Variants in IQSEC1 observed in about 807,000 individuals in gnomAD.
The protein encoded by IQSEC1 is IQ motif and SEC7 domain-containing protein 1.
IQSEC1 carries 31 observed loss-of-function variants against 91.0 expected under a neutral mutation model. The ratio of observed to expected loss-of-function variants is 0.34; its 90% CI spans 0.26 to 0.46. IQSEC1 has a LOEUF of 0.46. Ranked by LOEUF, IQSEC1 falls within the 20% of genes least tolerant of loss-of-function variation. The pLI, the probability that IQSEC1 is intolerant of heterozygous loss-of-function variation, is 1.00. For synonymous variants in IQSEC1, 699 were observed against 662.6 expected (o/e 1.05, Z -0.84); for missense variants, 1,388 against 1,575.6 (o/e 0.88, Z 2.02).
chr3:13,092,908 T>G (rs1232648333), intron 2 of IQSEC1, among the ~76,000 whole-genome samples: 1 of 152,120 alleles, frequency 6.6e-6, no homozygotes, highest in Non-Finnish European at 1.5e-5. Context: ...CTGTTCCCTC[T>G]GCCGCGAGCA....
chr3:13,202,340 GATC>G (rs1694260266), intron 1 of IQSEC1, among the ~76,000 whole-genome samples: 1 of 152,176 alleles, frequency 6.6e-6, no homozygotes, highest in Non-Finnish European at 1.5e-5. Flanking sequence ...GTCTCAAAAA[GATC>G]TTTGTACATC....
chr3:13,129,316 G>T (rs565117094), intron 2 of IQSEC1, among the ~76,000 whole-genome samples: 2 of 152,282 alleles, frequency 1.3e-5, no homozygotes, highest in South Asian at 4.1e-4. Context: ...TGCAGAATCT[G>T]TAGCAGTGTC....
chr3:13,082,081 C>T (rs763482583), intron 2 of IQSEC1, among the ~76,000 whole-genome samples: 30 of 152,118 alleles, frequency 2.0e-4, no homozygotes, highest in Non-Finnish European at 3.7e-4. Flanking sequence ...CAGTGGCCCC[C>T]GAGTCGCGCA....
At chr3:13,038,556 G>C (rs139536898) in intron 1 of IQSEC1, among the ~76,000 whole-genome samples, 29 of 152,092 alleles carry the variant, frequency 1.9e-4, no homozygotes, top group African/African-American at 7.0e-4. Flanking sequence ...AAAATAGAAG[G>C]AATGAGTAAG....
chr3:13,099,188 C>T (rs908581753), intron 2 of IQSEC1, among the ~76,000 whole-genome samples: 1 of 152,250 alleles, frequency 6.6e-6, no homozygotes, highest in South Asian at 2.1e-4. Flanking sequence ...GCCCTGGGGG[C>T]CATAGCCCCT....
intron 1 of IQSEC1, among the ~76,000 whole-genome samples, chr3:12,986,384 C>A (rs1198355893): frequency 6.6e-6 from 1 of 152,224 alleles, no homozygotes; most frequent in East Asian, 1.9e-4. Context: ...GCAGAGCCTG[C>A]AGCTTCCTTG....
chr3:13,203,998 A>G (rs1015210003), intron 1 of IQSEC1, among the ~76,000 whole-genome samples: 26 of 152,176 alleles, frequency 1.7e-4, no homozygotes, highest in Non-Finnish European at 3.7e-4. Flanking sequence ...CAAAGGTAGA[A>G]CTGGGCTCAG....
Position 12,908,323 on chromosome 3 carries a change from A to G in IQSEC1, c.2755+26T>C, listed in dbSNP as rs1301257747. The G allele has an allele frequency of 6.2e-7, 1 of 1,608,874 alleles. No individual in the cohort carries two copies. Among genetic ancestry groups the G allele is most frequent in the Admixed American group, 1.7e-5 (1 of 59,898 alleles). ...TCGGTCTTGCATGCGCTGGGCTAGC[A>G]AGGTGGTTCTAGGCCAAGCTCTTAC... On this transcript the variant is annotated intron_variant, in intron 12 of 13. Transcript: ENST00000613206. This position sits in a 1 kb window ranked among gnomAD's most constrained non-coding sequence, Gnocchi z 4.9.
rs1454044423 is a variant in IQSEC1, at chr3:12,983,338, G to A, written c.24-41473C>T. ...GAGCAGTCCTCGGAGGGGATGAAAG[G>A]TGGCGTGGTGACAACTGCAGTCTGG... On this transcript the variant is annotated intron_variant, in intron 1 of 13. Transcript: ENST00000613206. The surrounding 1 kb of genome is among the most constrained non-coding windows in gnomAD (Gnocchi z 4.3). Among the ~76,000 whole-genome samples, 2 of 152,170 alleles carry A rather than the reference G, an allele frequency of 1.3e-5. No individual in the cohort carries two copies. Among genetic ancestry groups the A allele is most frequent in the Non-Finnish European group, 2.9e-5 (2 of 68,030 alleles).
intron 1 of IQSEC1, among the ~76,000 whole-genome samples, chr3:13,238,906 T>A (rs886910020): frequency 6.6e-6 from 1 of 152,164 alleles, no homozygotes; most frequent in African/African-American, 2.4e-5. Context: ...CCTAAGGAGC[T>A]GGACATAAAG....
chr3:13,228,987 C>CTCTTT (rs1243684001), intron 1 of IQSEC1, among the ~76,000 whole-genome samples: 1 of 152,232 alleles, frequency 6.6e-6, no homozygotes, highest in Non-Finnish European at 1.5e-5. Flanking sequence ...CTGTCCGTCT[C>CTCTTT]TCTTTTCACC....
chr3:12,981,376 A>T (rs1162571881), intron 1 of IQSEC1, among the ~76,000 whole-genome samples: 3 of 152,226 alleles, frequency 2.0e-5, no homozygotes, highest in Admixed American at 1.3e-4. Flanking sequence ...TGGGGGGATA[A>T]CATTTGTTTC....
intron 1 of IQSEC1, among the ~76,000 whole-genome samples, chr3:13,222,903 C>T (rs1308648417): frequency 6.6e-6 from 1 of 152,234 alleles, no homozygotes; most frequent in Non-Finnish European, 1.5e-5. Flanking sequence ...AGGCCCACAG[C>T]AGGGTAAACT....
Position 13,211,574 on chromosome 3 carries a change from G to A in IQSEC1, c.273-47441C>T, listed in dbSNP as rs1292315868. ...CCCTTCCCCTAGTAGGAGCCCACAG[G>A]GCCAGCAGGAGAGTCACCATCCTTG... On this transcript the variant is annotated intron_variant, in intron 1 of 15. Transcript: ENST00000648114. This position sits in a 1 kb window ranked among gnomAD's most constrained non-coding sequence, Gnocchi z 5.3. Among the ~76,000 whole-genome samples the A allele has an allele frequency of 3.3e-5, 5 of 152,106 alleles. No homozygotes were observed. The highest frequency in any genetic ancestry group is 2.1e-4 in the South Asian group (1 of 4,826).
At chr3:13,126,344 A>T (rs1706513102) in intron 2 of IQSEC1, among the ~76,000 whole-genome samples, 1 of 152,246 alleles carries the variant, frequency 6.6e-6, no homozygotes, top group African/African-American at 2.4e-5. Flanking sequence ...GTTGCTGCGC[A>T]TATCAAAGTT....
rs374749717 is a variant in IQSEC1 at position 12,972,983 on chromosome 3, G to A, written c.24-31118C>T. Reference sequence around the variant, plus strand: ...GAAATGTTTCCAGATAAATAAAGCTGTTCTTACCAAGTGCCAAATTATCTT... The same window carrying A: ...GAAATGTTTCCAGATAAATAAAGCTATTCTTACCAAGTGCCAAATTATCTT... On this transcript the variant is annotated intron_variant, in intron 1 of 13. Coordinates refer to ENST00000613206, the MANE Select transcript of IQSEC1 (RefSeq NM_001134382.3). Among the ~76,000 whole-genome samples the A allele has an allele frequency of 3.9e-5, 6 of 152,332 alleles. No homozygotes were observed. The East Asian group carries it at 1.2e-3, about 29-fold the overall frequency.
At chr3:13,232,201 G>A (rs1449126031) in intron 1 of IQSEC1, among the ~76,000 whole-genome samples, 1 of 152,192 alleles carries the variant, frequency 6.6e-6, no homozygotes, top group African/African-American at 2.4e-5. Context: ...TCCTAGATGG[G>A]TTGTTCTGAG....
chr3:12,900,733 G>T lies in IQSEC1; in HGVS notation c.*250C>A. 1 of 1,414,370 alleles carries T rather than the reference G, an allele frequency of 7.1e-7. No individual in the cohort carries two copies. The highest frequency in any genetic ancestry group is 1.5e-5 in the South Asian group (1 of 66,420). The allele number at this position is 1,414,370 out of a possible 1,614,324, so 87.6% of individuals were successfully genotyped here. A position where few individuals can be genotyped will look rare whatever the true frequency, so the allele number is the denominator to read the frequency against. On this transcript the variant is annotated 3_prime_UTR_variant, in exon 14 of 14. Coordinates refer to ENST00000613206, the MANE Select transcript of IQSEC1 (RefSeq NM_001134382.3). ...GGCTCACCGTTTCAAGGCTGATGGTGTCTGAGGCCCACCCATCCCTCAGAC... is the reference window on the plus strand; with the variant it reads ...GGCTCACCGTTTCAAGGCTGATGGTTTCTGAGGCCCACCCATCCCTCAGAC...
intron 1 of IQSEC1, among the ~76,000 whole-genome samples, chr3:12,968,385 C>G (rs556342104): frequency 8.5e-5 from 13 of 152,192 alleles, no homozygotes; most frequent in Admixed American, 5.2e-4. Flanking sequence ...CCCAGAGACA[C>G]CCTTCAAGCA....
Sources: gnomAD v4.1 joint callset for allele counts (sites outside exome capture counted in the v4.1 genomes callset) on GRCh38, gnomAD v4.1.1 for gene constraint, Gnocchi (gnomAD v3.1) non-coding constraint, MANE v1.5 for transcripts, NCBI Gene and HGNC (gene_info 2026-07-23, HGNC 2026-07-21) for gene names.